Variants in AQP7B observed in about 807,000 individuals in gnomAD.
AQP7B encodes the protein putative aquaporin-7B.
chr2:94,595,719 G>A, the AQP7B span, among the ~76,000 whole-genome samples: 2 of 152,090 alleles, frequency 1.3e-5, no homozygotes, highest in African/African-American at 4.8e-5. Flanking sequence ...TGTTTGAGAG[G>A]GCTGTGGAAG....
At chr2:94,587,387 G>T in the AQP7B span, among the ~76,000 whole-genome samples, 2 of 152,212 alleles carry the variant, frequency 1.3e-5, no homozygotes, top group Admixed American at 1.3e-4. Flanking sequence ...CAGAGGCTGA[G>T]AATCAGAAGA....
chr2:94,603,495 G>A, the AQP7B span: 4 of 1,608,990 alleles, frequency 2.5e-6, no homozygotes, highest in Non-Finnish European at 2.5e-6. Flanking sequence ...GGGGCTTCCT[G>A]AATGAGGTCA....
chr2:94,603,092 C>A, the AQP7B span: 1 of 1,587,538 alleles, frequency 6.3e-7, no homozygotes, highest in Non-Finnish European at 8.6e-7. Flanking sequence ...GCCGCGTGCC[C>A]TGGAGGAAGT....
chr2:94,602,736 A>G, the AQP7B span: 941 of 1,086,678 alleles, frequency 8.7e-4, 3 homozygotes, highest in Middle Eastern at 5.1e-3. Flanking sequence ...GCCACCGGGC[A>G]GGAGGAAGTC....
chr2:94,594,440 C>T, the AQP7B span, among the ~76,000 whole-genome samples: 78 of 152,324 alleles, frequency 5.1e-4, no homozygotes, highest in Non-Finnish European at 1.1e-3. Context: ...CTTGTTGGCA[C>T]CGTGGATTGC....
chr2:94,601,109 G>A, the AQP7B span, among the ~76,000 whole-genome samples: 7 of 152,282 alleles, frequency 4.6e-5, no homozygotes, highest in East Asian at 1.2e-3. Flanking sequence ...ATGGAGCAGC[G>A]CAGTCGTTTG....
At chr2:94,590,386 C>T in the AQP7B span, among the ~76,000 whole-genome samples, 1 of 151,982 alleles carries the variant, frequency 6.6e-6, no homozygotes, top group Non-Finnish European at 1.5e-5. Flanking sequence ...TGGGGTTCTG[C>T]CATGTTGGCC....
the AQP7B span, among the ~76,000 whole-genome samples, chr2:94,601,332 G>T: frequency 6.6e-6 from 1 of 152,248 alleles, no homozygotes; most frequent in Non-Finnish European, 1.5e-5. Flanking sequence ...AGGAGCAGGT[G>T]TGCTGTGAGA....
chr2:94,589,667 C>T, the AQP7B span, among the ~76,000 whole-genome samples: 1 of 152,074 alleles, frequency 6.6e-6, no homozygotes. Context: ...CCTCTGTTGA[C>T]ATCATTGCCT....
chr2:94,602,467 C>A, the AQP7B span: 2 of 1,593,730 alleles, frequency 1.3e-6, no homozygotes, highest in South Asian at 1.1e-5. Flanking sequence ...GGGCAGGCAG[C>A]CCCCTTAGAG....
the AQP7B span, chr2:94,603,266 A>G: frequency 7.2e-7 from 1 of 1,394,280 alleles, no homozygotes; most frequent in Non-Finnish European, 9.8e-7. Flanking sequence ...TTTGTAAAAA[A>G]TAGCTGGGAG....
At chr2:94,591,043 G>T in the AQP7B span, among the ~76,000 whole-genome samples, 2 of 151,982 alleles carry the variant, frequency 1.3e-5, no homozygotes, top group African/African-American at 4.8e-5. Context: ...TTACTTAGGG[G>T]ATCTGGTTGG....
At chr2:94,604,343 C>T in the AQP7B span, 2 of 1,611,080 alleles carry the variant, frequency 1.2e-6, no homozygotes, top group Non-Finnish European at 1.7e-6. Context: ...GGGTGCCTCT[C>T]TAGGTGGCAT....
At chr2:94,602,539 T>C in the AQP7B span, 56 of 1,604,154 alleles carry the variant, frequency 3.5e-5, no homozygotes, top group South Asian at 1.5e-4. Flanking sequence ...ATAAAACATA[T>C]GGGAGCTACC....
the AQP7B span, among the ~76,000 whole-genome samples, chr2:94,594,512 T>C: frequency 1.3e-5 from 2 of 152,200 alleles, no homozygotes; most frequent in South Asian, 2.1e-4. Flanking sequence ...TTTTTACTGG[T>C]CTAGTCCCAA....
chr2:94,602,160 G>C, the AQP7B span, among the ~76,000 whole-genome samples: 1 of 151,886 alleles, frequency 6.6e-6, no homozygotes, highest in African/African-American at 2.4e-5. Context: ...GGGGTGCAAT[G>C]CATGCCAGCC....
At chr2:94,590,259 T>C in the AQP7B span, among the ~76,000 whole-genome samples, 1 of 152,232 alleles carries the variant, frequency 6.6e-6, no homozygotes, top group South Asian at 2.1e-4. Context: ...CTCGGCTCAC[T>C]GCAACTTCTG....
At chr2:94,591,312 G>A in the AQP7B span, among the ~76,000 whole-genome samples, 1 of 152,098 alleles carries the variant, frequency 6.6e-6, no homozygotes, top group Non-Finnish European at 1.5e-5. Flanking sequence ...TCTCTGCTGT[G>A]CCCCACGCTA....
the AQP7B span, among the ~76,000 whole-genome samples, chr2:94,593,824 C>T: frequency 6.6e-6 from 1 of 152,070 alleles, no homozygotes; most frequent in East Asian, 1.9e-4. Context: ...CACCCCGCCA[C>T]CTTCCCCAAA....
Sources: gnomAD v4.1 joint callset for allele counts (sites outside exome capture counted in the v4.1 genomes callset) on GRCh38, gnomAD v4.1.1 for gene constraint, MANE v1.5 for transcripts, NCBI Gene and HGNC (gene_info 2026-07-23, HGNC 2026-07-21) for gene names.